The following AGMO variants were observed in gnomAD, a reference collection of about 807,000 sequenced individuals.
AGMO encodes the protein alkylglycerol monooxygenase.
A neutral mutation model predicts 60.2 loss-of-function variants in AGMO; 75 were observed. That is an observed-to-expected ratio of 1.25 (90% CI 1.03 to 1.51). The LOEUF (loss-of-function observed/expected upper bound fraction) is 1.51, where lower values mean the gene tolerates loss of function less well. Ranked by LOEUF, AGMO falls within the 40% of genes most tolerant of loss-of-function variation. The pLI is 0.00. For missense variants in AGMO, 763 were observed against 525.5 expected, an observed-to-expected ratio of 1.45 and a Z score of -4.42; for synonymous variants, 261 against 177.1, an observed-to-expected ratio of 1.47 and a Z score of -3.76.
downstream of AGMO, among the ~76,000 whole-genome samples, chr7:15,199,944 T>C (rs888137979): frequency 1.3e-5 from 2 of 152,164 alleles, no homozygotes; most frequent in South Asian, 2.1e-4. Flanking sequence ...TCAGTTCACA[T>C]AGACACCTGC....
chr7:15,393,918 A>G (rs1410412262), intron 6 of AGMO, among the ~76,000 whole-genome samples, 195 bp downstream of exon 6: 1 of 78,388 alleles, frequency 1.3e-5, no homozygotes, highest in Non-Finnish European at 2.6e-5. Context: ...CCCCTACCCC[A>G]CCCCACCCCA....
the AGMO span, among the ~76,000 whole-genome samples, chr7:15,183,524 T>C: frequency 6.6e-6 from 1 of 152,230 alleles, no homozygotes; most frequent in Non-Finnish European, 1.5e-5. Context: ...TGTTTGCCTA[T>C]TGTCCTTGGC....
intron 12 of AGMO, among the ~76,000 whole-genome samples, chr7:15,356,393 A>C (rs1322513917): frequency 6.6e-6 from 1 of 152,198 alleles, no homozygotes; most frequent in Non-Finnish European, 1.5e-5. Flanking sequence ...TACATTTTAA[A>C]AATAAACATT....
the AGMO span, among the ~76,000 whole-genome samples, chr7:15,178,106 G>C: frequency 6.6e-6 from 1 of 152,086 alleles, no homozygotes; most frequent in Non-Finnish European, 1.5e-5. Context: ...GCGTTATCCT[G>C]GGACATCCTG....
At chr7:15,370,685 T>G (rs1783174516) in intron 10 of AGMO, among the ~76,000 whole-genome samples, 1 of 140,478 alleles carries the variant, frequency 7.1e-6, no homozygotes, top group Non-Finnish European at 1.6e-5. Flanking sequence ...CTTGTATGTC[T>G]GCTTTTGAGA....
intron 2 of AGMO, among the ~76,000 whole-genome samples, chr7:15,552,192 C>G (rs1005395174): frequency 6.6e-6 from 1 of 152,074 alleles, no homozygotes; most frequent in Non-Finnish European, 1.5e-5. Flanking sequence ...AAGACTTAAA[C>G]ATTAGACCTA....
the AGMO span, among the ~76,000 whole-genome samples, chr7:15,118,173 A>AACACACACACACAC: frequency 5.4e-4 from 78 of 144,682 alleles, 1 homozygote; most frequent in African/African-American, 1.9e-3. Context: ...ACTAAAGAGA[A>AACACACACACACAC]ACACACACAC....
intron 12 of AGMO, among the ~76,000 whole-genome samples, chr7:15,354,370 A>ACACG (rs1563105047): frequency 0.016 from 978 of 62,844 alleles, 99 homozygotes; most frequent in African/African-American, 0.042. Flanking sequence ...GTGTATATAG[A>ACACG]CGTGTGTATA....
At position 15,346,846 on chromosome 7, in the gene AGMO, A is replaced by G. The variant is rs1039241324; in HGVS notation, c.1263+18668T>C. On this transcript the variant is annotated intron_variant, in intron 12 of 12. Transcript: ENST00000342526. ...TGATTTTAAAATTAGAACTTGTTTAAATTAGTAGTAAGTAACTATTTTGTA... is the reference window on the plus strand; with the variant it reads ...TGATTTTAAAATTAGAACTTGTTTAGATTAGTAGTAAGTAACTATTTTGTA... Among the ~76,000 whole-genome samples the G allele has an allele frequency of 1.3e-3, 181 of 141,616 alleles. 1 individual carries two copies. The highest frequency in any genetic ancestry group is 4.7e-3 in the African/African-American group (173 of 37,002). 92.9% of individuals were successfully genotyped at this position (141,616 alleles called of 152,430 possible).
At chr7:15,295,917 C>T (rs760570096) in intron 12 of AGMO, among the ~76,000 whole-genome samples, 34 of 152,128 alleles carry the variant, frequency 2.2e-4, no homozygotes, top group Admixed American at 1.3e-4. Flanking sequence ...TATCCTTATA[C>T]ACATATTTTC....
chr7:15,415,657 G>A (rs776265496), intron 5 of AGMO, among the ~76,000 whole-genome samples: 1 of 152,026 alleles, frequency 6.6e-6, no homozygotes, highest in Non-Finnish European at 1.5e-5. Context: ...TAAACAATGT[G>A]ATAATAAATT....
the AGMO span, among the ~76,000 whole-genome samples, chr7:15,120,511 C>A: frequency 6.6e-6 from 1 of 152,104 alleles, no homozygotes; most frequent in Non-Finnish European, 1.5e-5. Context: ...GGATGGGACT[C>A]CATGATAGGA....
At chr7:15,455,477 C>G (rs1781976988) in intron 3 of AGMO, among the ~76,000 whole-genome samples, 2 of 152,048 alleles carry the variant, frequency 1.3e-5, no homozygotes, top group African/African-American at 2.4e-5. Flanking sequence ...GGATTTCCCT[C>G]CACCATCAAT....
chr7:15,302,020 AAT>A (rs759547921), intron 12 of AGMO, among the ~76,000 whole-genome samples: 23 of 152,180 alleles, frequency 1.5e-4, no homozygotes, highest in Non-Finnish European at 2.8e-4. Context: ...ATTTACTTAA[AAT>A]ATGTTAAGTG....
At chr7:15,154,819 C>G in the AGMO span, among the ~76,000 whole-genome samples, 11 of 152,080 alleles carry the variant, frequency 7.2e-5, no homozygotes, top group African/African-American at 2.4e-4. Context: ...TTAGCATTTT[C>G]TGGTATGAAA....
the AGMO span, among the ~76,000 whole-genome samples, chr7:15,135,541 T>C: frequency 0.43 from 65,383 of 152,038 alleles, 14,362 homozygotes; most frequent in South Asian, 0.56. Context: ...AAAAACTGCA[T>C]ATTTAAATCA....
chr7:15,440,481 G>A (rs963565945), intron 3 of AGMO, among the ~76,000 whole-genome samples: 8 of 151,978 alleles, frequency 5.3e-5, no homozygotes, highest in African/African-American at 1.9e-4. Flanking sequence ...CACATACATT[G>A]TGTGTGTATT....
At chr7:15,291,937 T>C (rs1392847273) in intron 12 of AGMO, among the ~76,000 whole-genome samples, 2 of 139,270 alleles carry the variant, frequency 1.4e-5, no homozygotes, top group East Asian at 4.4e-4. Flanking sequence ...CTGTGTAGAT[T>C]GTGGTGACGG....
intron 12 of AGMO, among the ~76,000 whole-genome samples, chr7:15,281,069 G>C (rs1783951470): frequency 6.6e-6 from 1 of 152,112 alleles, no homozygotes; most frequent in Non-Finnish European, 1.5e-5. Flanking sequence ...CCTACTCCTA[G>C]GGGAAGGGGG....
Sources: gnomAD v4.1 joint callset for allele counts (sites outside exome capture counted in the v4.1 genomes callset) on GRCh38, gnomAD v4.1.1 for gene constraint, MANE v1.5 for transcripts, NCBI Gene and HGNC (gene_info 2026-07-23, HGNC 2026-07-21) for gene names.